The following ATL1 variants were observed in gnomAD, a reference collection of about 807,000 sequenced individuals.
ATL1 encodes atlastin-1.
A neutral mutation model predicts 75.5 loss-of-function variants in ATL1; 31 were observed. That is an observed-to-expected ratio of 0.41 (90% confidence interval 0.31 to 0.55). The LOEUF is 0.55. Ranked by LOEUF, ATL1 falls within the 20% of genes least tolerant of loss-of-function variation. ATL1 has a pLI of 0.27. For synonymous variants in ATL1, 226 were observed against 233.3 expected (o/e 0.97, Z 0.28); for missense variants, 405 against 662.6 (o/e 0.61, Z 4.27).
At chr14:50,545,569 G>A (rs888023920) in intron 1 of ATL1, among the ~76,000 whole-genome samples, 2 of 152,182 alleles carry the variant, frequency 1.3e-5, no homozygotes, top group African/African-American at 4.8e-5. Flanking sequence ...GACCTAAGAT[G>A]TTAAAGTACA....
intron 1 of ATL1, among the ~76,000 whole-genome samples, chr14:50,566,143 G>T (rs1427730004): frequency 6.6e-6 from 1 of 152,042 alleles, no homozygotes; most frequent in Non-Finnish European, 1.5e-5. Context: ...GATTACAGGT[G>T]CCCGCCACCA....
At chr14:50,548,574 A>G (rs1465904203) in intron 1 of ATL1, among the ~76,000 whole-genome samples, 1 of 152,064 alleles carries the variant, frequency 6.6e-6, no homozygotes, top group East Asian at 1.9e-4. Flanking sequence ...CAGTGGCGTG[A>G]TCTCGGGTCA....
chr14:50,624,052 C>G (rs2039493629), intron 11 of ATL1, among the ~76,000 whole-genome samples: 1 of 152,030 alleles, frequency 6.6e-6, no homozygotes, highest in African/African-American at 2.4e-5. Context: ...AAGAATCTGT[C>G]TCAAAAAACA....
At chr14:50,581,757 G>A (rs1260683005) in intron 1 of ATL1, among the ~76,000 whole-genome samples, 1 of 152,074 alleles carries the variant, frequency 6.6e-6, no homozygotes, top group Admixed American at 6.6e-5. Context: ...TTTGGTAAAT[G>A]TTCCATATGA....
intron 1 of ATL1, chr14:50,542,527 G>A (rs374709090): frequency 2.4e-4 from 36 of 152,298 alleles, no homozygotes; most frequent in African/African-American, 8.4e-4. Context: ...AGTTGAACAT[G>A]GGCAGCAGAA....
At position 50,595,519 on chromosome 14, in the gene ATL1, TC is replaced by T. The variant is rs397840950; in HGVS notation, c.574-56del. On this transcript the variant is annotated intron_variant, in intron 5 of 13. Coordinates refer to ENST00000358385, the MANE Select transcript of ATL1 (RefSeq NM_015915.5). Reference sequence around the variant, plus strand: ...ATTAAAACTTTGCAGGTGCTAAAGTTCTCTCTCTCTCTCTCTCTCTCTCTGT... The same window carrying T: ...ATTAAAACTTTGCAGGTGCTAAAGTTTCTCTCTCTCTCTCTCTCTCTCTGT... 3.5e-3 allele frequency: 58 copies of T among 16,606 alleles called. No individual in the cohort carries two copies. The African/African-American group carries it at 0.065, about 19-fold the overall frequency. The allele number at this position is 16,606 out of a possible 1,614,324, so 1.0% of individuals were successfully genotyped here. A position where few individuals can be genotyped will look rare whatever the true frequency, so the allele number is the denominator to read the frequency against.
chr14:50,611,320 A>G (rs1330692660), intron 6 of ATL1, among the ~76,000 whole-genome samples: 1 of 150,208 alleles, frequency 6.7e-6, no homozygotes, highest in Non-Finnish European at 1.5e-5. Flanking sequence ...TTCTAGTGTT[A>G]TAATAGGGGA....
chr14:50,623,386 T>A, intron 11 of ATL1, 138 bp downstream of exon 11: 1 of 685,738 alleles, frequency 1.5e-6, no homozygotes. Context: ...CTGTATCACG[T>A]CTATTTATTA....
intron 1 of ATL1, among the ~76,000 whole-genome samples, chr14:50,566,532 G>A (rs1169916444): frequency 1.3e-5 from 2 of 152,062 alleles, no homozygotes; most frequent in African/African-American, 4.8e-5. Flanking sequence ...AATATGATAG[G>A]TCTGAAATGG....
At chr14:50,620,790 A>G in intron 9 of ATL1, 64 bp downstream of exon 9, 1 of 1,580,514 alleles carries the variant, frequency 6.3e-7, no homozygotes, top group Non-Finnish European at 8.7e-7. Context: ...CGTAATTCCT[A>G]TAAACAAAAA....
chr14:50,604,519 C>T (rs775178056), intron 6 of ATL1, among the ~76,000 whole-genome samples: 10 of 152,020 alleles, frequency 6.6e-5, no homozygotes, highest in Non-Finnish European at 8.8e-5. Context: ...ATATACAACT[C>T]GAAATTGGAA....
At chr14:50,606,668 T>C (rs1391685425) in intron 6 of ATL1, among the ~76,000 whole-genome samples, 1 of 152,076 alleles carries the variant, frequency 6.6e-6, no homozygotes, top group Non-Finnish European at 1.5e-5. Flanking sequence ...CATTAGTCTT[T>C]GGGGCAGTGT....
intron 6 of ATL1, among the ~76,000 whole-genome samples, chr14:50,604,317 G>A (rs1195594523): frequency 6.6e-6 from 1 of 151,986 alleles, no homozygotes; most frequent in Non-Finnish European, 1.5e-5. Context: ...TTATTAAGCT[G>A]TATTTTATTG....
chr14:50,625,916 A>G (rs2039515752), intron 11 of ATL1, among the ~76,000 whole-genome samples: 1 of 145,728 alleles, frequency 6.9e-6, no homozygotes, highest in Non-Finnish European at 1.5e-5. Flanking sequence ...AAAAAAAAGA[A>G]AAAAAAAATC....
At chr14:50,603,793 G>T (rs1366484261) in intron 6 of ATL1, among the ~76,000 whole-genome samples, 1 of 152,096 alleles carries the variant, frequency 6.6e-6, no homozygotes, top group African/African-American at 2.4e-5. Context: ...GGCCTGCTTG[G>T]GCTGAAAATT....
At chr14:50,538,662 A>C (rs1019484429) in intron 1 of ATL1, among the ~76,000 whole-genome samples, 3 of 152,208 alleles carry the variant, frequency 2.0e-5, no homozygotes, top group Admixed American at 2.0e-4. Context: ...CTGGGATCCT[A>C]TCTTACAGCT....
intron 2 of ATL1, among the ~76,000 whole-genome samples, chr14:50,589,878 G>A (rs1008655314): frequency 6.6e-5 from 10 of 152,026 alleles, no homozygotes; most frequent in African/African-American, 1.9e-4. Context: ...CTCTGCATTC[G>A]TTACTGTAAG....
chr14:50,616,650 A>G (rs142483790), intron 8 of ATL1, among the ~76,000 whole-genome samples: 6 of 152,082 alleles, frequency 3.9e-5, no homozygotes, highest in South Asian at 4.2e-4. Context: ...ATTCACTTCT[A>G]TGCATATATT....
At chr14:50,597,547 G>A (rs1650497288) in intron 6 of ATL1, among the ~76,000 whole-genome samples, 1 of 152,048 alleles carries the variant, frequency 6.6e-6, no homozygotes, top group Admixed American at 6.5e-5. Context: ...AATGTTATTG[G>A]CATTTTCAAT....
Sources: allele counts gnomAD v4.1 joint callset (sites outside exome capture counted in the v4.1 genomes callset), GRCh38; gene constraint gnomAD v4.1.1; transcripts MANE v1.5; gene names NCBI Gene and HGNC (gene_info 2026-07-23, HGNC 2026-07-21).